Variants in CDK2AP1 observed in about 807,000 individuals in gnomAD.
CDK2AP1 encodes cyclin-dependent kinase 2-associated protein 1.
Under a neutral mutation model 14.1 loss-of-function variants are expected in CDK2AP1, and 10 were observed. The ratio of observed to expected loss-of-function variants is 0.71; its 90% CI spans 0.44 to 1.20. The LOEUF is 1.20. Ranked by LOEUF, CDK2AP1 falls within the 50% of genes most tolerant of loss-of-function variation. CDK2AP1 has a pLI of 0.00. For missense variants in CDK2AP1, 102 were observed against 149.9 expected (o/e 0.68, Z 1.67); for synonymous variants, 59 against 59.8 (o/e 0.99, Z 0.06).
At chr12:123,269,827 G>GATGGACTCTTGCATCCA (rs2048337771) in intron 1 of CDK2AP1, among the ~76,000 whole-genome samples, 1 of 152,150 alleles carries the variant, frequency 6.6e-6, no homozygotes, top group Non-Finnish European at 1.5e-5. Flanking sequence ...GGCGGCAGCG[G>GATGGACTCTTGCATCCA]AGAGTCCATC....
rs1201562823 is a variant in CDK2AP1, at chr12:123,271,630, GCGGGCGCGC to G, written c.-21_-13del. 2.2e-5 allele frequency: 22 copies of G among 986,232 alleles called. No individual in the cohort carries two copies. Among genetic ancestry groups the G allele is most frequent in the South Asian group, 8.9e-5 (2 of 22,382 alleles). The allele number at this position is 986,232 out of a possible 1,614,324, so 61.1% of individuals were successfully genotyped here. On this transcript the variant is annotated 5_prime_UTR_variant, in exon 1 of 4. Transcript: ENST00000261692. ...GGTTTGTAAGACATCCCCCCGGGCGGCGGGCGCGCCGGGCGCGGCGGGGCCAGGCCGCGA... is the reference window on the plus strand; with the variant it reads ...GGTTTGTAAGACATCCCCCCGGGCGGCGGGCGCGGCGGGGCCAGGCCGCGA...
At chr12:123,269,867 G>A (rs2048338331) in intron 1 of CDK2AP1, among the ~76,000 whole-genome samples, 1 of 152,152 alleles carries the variant, frequency 6.6e-6, no homozygotes, top group Non-Finnish European at 1.5e-5. Context: ...GGGGAGCTGG[G>A]GTTCTGCAAA....
intron 3 of CDK2AP1, among the ~76,000 whole-genome samples, chr12:123,263,786 T>C (rs1593294472): frequency 1.3e-5 from 2 of 152,364 alleles, no homozygotes; most frequent in South Asian, 4.1e-4. Flanking sequence ...CCCCCATTTA[T>C]GCTACAGATT....
rs962043550 is a variant in CDK2AP1, at chr12:123,268,643, C to G, written c.56-1361G>C. 3.2e-4 allele frequency among the ~76,000 whole-genome samples: 48 copies of G among 152,358 alleles called. 1 individual carries two copies. Among genetic ancestry groups the G allele is most frequent in the African/African-American group, 1.1e-3 (46 of 41,588 alleles). On this transcript the variant is annotated intron_variant, in intron 1 of 3. Coordinates refer to ENST00000261692, the MANE Select transcript of CDK2AP1 (RefSeq NM_004642.4). Reference sequence around the variant, plus strand: ...ATCCTGAACTGGGCAGAGCACCGTGCCACTCCGAGCCTCAGTTTCCACGCC... The same window carrying G: ...ATCCTGAACTGGGCAGAGCACCGTGGCACTCCGAGCCTCAGTTTCCACGCC...
rs1199128063 is a variant in CDK2AP1, at chr12:123,271,554, G to A, written c.55+10C>T. 1.0e-6 allele frequency: 1 copy of A among 1,002,890 alleles called. No individual in the cohort carries two copies. The highest frequency in any genetic ancestry group is 1.8e-5 in the African/African-American group (1 of 57,112). The allele number at this position is 1,002,890 out of a possible 1,614,324, so 62.1% of individuals were successfully genotyped here. A position where few individuals can be genotyped will look rare whatever the true frequency, so the allele number is the denominator to read the frequency against. On this transcript the variant is annotated intron_variant, in intron 1 of 3. Coordinates refer to ENST00000261692, the MANE Select transcript of CDK2AP1 (RefSeq NM_004642.4). ...CGGCGCTTGGGGCGCGTCGCACGCGGCTCACTCACCGGCGTTGAGGGCGGC... is the reference window on the plus strand; with the variant it reads ...CGGCGCTTGGGGCGCGTCGCACGCGACTCACTCACCGGCGTTGAGGGCGGC...
At chr12:123,261,873 G>T in intron 3 of CDK2AP1, 70 bp from the exon 4 acceptor site, 1 of 1,040,802 alleles carries the variant, frequency 9.6e-7, no homozygotes, top group South Asian at 1.3e-5. Context: ...TTCTGAAACA[G>T]CAAGAGGATC....
chr12:123,262,738 G>A (rs1473257582), intron 3 of CDK2AP1, among the ~76,000 whole-genome samples: 1 of 152,130 alleles, frequency 6.6e-6, no homozygotes, highest in African/African-American at 2.4e-5. Context: ...ACCATGCCTG[G>A]CTGTTTTATC....
intron 1 of CDK2AP1, among the ~76,000 whole-genome samples, chr12:123,268,795 G>A (rs1365139019): frequency 6.6e-6 from 1 of 152,214 alleles, no homozygotes; most frequent in Non-Finnish European, 1.5e-5. Context: ...CAGGAATTGG[G>A]CAGGGTGATG....
At chr12:123,269,745 CTT>C (rs1209096733) in intron 1 of CDK2AP1, among the ~76,000 whole-genome samples, 1 of 152,190 alleles carries the variant, frequency 6.6e-6, no homozygotes, top group Non-Finnish European at 1.5e-5. Flanking sequence ...CAGGCCGCGG[CTT>C]GGCAACCCGT....
chr12:123,269,708 T>C (rs2048336174), intron 1 of CDK2AP1, among the ~76,000 whole-genome samples: 1 of 152,126 alleles, frequency 6.6e-6, no homozygotes, highest in South Asian at 2.1e-4. Context: ...GGGGGCTTTG[T>C]CTAACTCCGC....
upstream of CDK2AP1, chr12:123,272,159 G>A (rs1257813638): frequency 6.6e-6 from 1 of 152,160 alleles, no homozygotes; most frequent in African/African-American, 2.4e-5. Flanking sequence ...AAAATTACCT[G>A]GAGAAAATGG....
Position 123,265,303 on chromosome 12 carries a change from A to AC in CDK2AP1, c.172dup (p.Val58GlyfsTer14). The AC allele has an allele frequency of 6.2e-7, 1 of 1,614,090 alleles. No individual in the cohort carries two copies. The highest frequency in any genetic ancestry group is 8.5e-7 in the Non-Finnish European group (1 of 1,179,996). On this transcript the variant is annotated frameshift_variant, in exon 3 of 4. Transcript: ENST00000261692. LOFTEE classifies it high-confidence loss of function. The surrounding 1 kb of genome is among the most constrained non-coding windows in gnomAD (Gnocchi z 5.3). ...CAGCTCCGCGTATTTGCTTTGGGGC[A>AC]CCTGGCTGTTCCCAGTTCCCTAGAA...
At chr12:123,268,700 T>C (rs2048323354) in intron 1 of CDK2AP1, among the ~76,000 whole-genome samples, 1 of 152,108 alleles carries the variant, frequency 6.6e-6, no homozygotes, top group African/African-American at 2.4e-5. Context: ...CACATGCGGA[T>C]GATGAGACAC....
At chr12:123,263,653 A>G (rs2048257021) in intron 3 of CDK2AP1, among the ~76,000 whole-genome samples, 1 of 152,108 alleles carries the variant, frequency 6.6e-6, no homozygotes, top group Non-Finnish European at 1.5e-5. Flanking sequence ...GGTAGTCCCA[A>G]CCTAGCTTTG....
In CDK2AP1 at chr12:123,265,076, C is replaced by T; in HGVS notation, c.280+120G>A. ...CACAGACGGCAACTCTGTAACAAGA[C>T]AGGAGCTCCCATGAGTGAGCCTCAT... On this transcript the variant is annotated intron_variant, in intron 3 of 3. Coordinates refer to ENST00000261692, the MANE Select transcript of CDK2AP1 (RefSeq NM_004642.4). The surrounding 1 kb of genome is among the most constrained non-coding windows in gnomAD (Gnocchi z 5.3). 7.3e-7 allele frequency: 1 copy of T among 1,372,402 alleles called. No individual in the cohort carries two copies. The allele number at this position is 1,372,402 out of a possible 1,614,324, so 85.0% of individuals were successfully genotyped here.
Position 123,265,112 on chromosome 12 carries a change from C to A in CDK2AP1, c.280+84G>T. The A allele has an allele frequency of 1.3e-6, 2 of 1,574,104 alleles. No homozygotes were observed. Among genetic ancestry groups the A allele is most frequent in the Middle Eastern group, 1.7e-4 (1 of 5,980 alleles). ...ATGAGTGAGCCTCATCCCTAGCCCA[C>A]CTTCCCACATTTTCCCCAAAAGTCT... On this transcript the variant is annotated intron_variant, in intron 3 of 3. Coordinates refer to ENST00000261692, the MANE Select transcript of CDK2AP1 (RefSeq NM_004642.4). The surrounding 1 kb of genome is among the most constrained non-coding windows in gnomAD (Gnocchi z 5.3).
intron 1 of CDK2AP1, chr12:123,270,879 G>T (rs894503907): frequency 2.7e-5 from 27 of 985,098 alleles, no homozygotes; most frequent in Middle Eastern, 1.0e-3. Flanking sequence ...CGTTCACTCC[G>T]CGCTCACCTT....
At chr12:123,264,757 CCA>C (rs1169408249) in intron 3 of CDK2AP1, among the ~76,000 whole-genome samples, 2 of 152,208 alleles carry the variant, frequency 1.3e-5, no homozygotes. Context: ...TAGCACAGAC[CCA>C]CACACTTCCT....
intron 3 of CDK2AP1, chr12:123,262,224 C>T (rs758084576): frequency 3.7e-5 from 6 of 162,380 alleles, no homozygotes; most frequent in African/African-American, 7.2e-5. Flanking sequence ...CACGTGAGGG[C>T]GCAGAGAACT....
Sources: allele counts gnomAD v4.1 joint callset (sites outside exome capture counted in the v4.1 genomes callset), GRCh38; gene constraint gnomAD v4.1.1; non-coding constraint Gnocchi (gnomAD v3.1); transcripts MANE v1.5; gene names NCBI Gene and HGNC (gene_info 2026-07-23, HGNC 2026-07-21).